ARHGAP24: variants seen among roughly 807,000 people sequenced by gnomAD.
ARHGAP24 encodes the protein Rho GTPase activating protein 24.
In ARHGAP24, 50 loss-of-function variants were observed where a neutral mutation model predicts 76.4. The ratio of observed to expected loss-of-function variants is 0.65; its 90% CI spans 0.52 to 0.83. The LOEUF is 0.83. Ranked by LOEUF, ARHGAP24 falls within the 40% of genes least tolerant of loss-of-function variation. The probability of loss-of-function intolerance (pLI) is 0.00; values close to 1 mark genes in which losing one functional copy is unlikely to be tolerated. For synonymous variants in ARHGAP24, 345 were observed against 323.3 expected, an observed-to-expected ratio of 1.07 and a Z score of -0.72; for missense variants, 930 against 914.2, an observed-to-expected ratio of 1.02 and a Z score of -0.22.
At chr4:85,718,845 T>A (rs1724827466) in intron 2 of ARHGAP24, among the ~76,000 whole-genome samples, 1 of 152,190 alleles carries the variant, frequency 6.6e-6, no homozygotes, top group Non-Finnish European at 1.5e-5. Flanking sequence ...CAACAAAGGA[T>A]AGCATTACTT....
At chr4:85,616,150 G>A (rs887141185) in intron 2 of ARHGAP24, among the ~76,000 whole-genome samples, 52 of 152,204 alleles carry the variant, frequency 3.4e-4, no homozygotes, top group African/African-American at 1.1e-3. Flanking sequence ...TGGTTTCTTC[G>A]TTTCATTTTC....
intron 3 of ARHGAP24, among the ~76,000 whole-genome samples, chr4:85,920,112 G>T (rs1287432234): frequency 2.0e-5 from 3 of 152,094 alleles, no homozygotes; most frequent in Admixed American, 6.6e-5. Flanking sequence ...TTGACTAATT[G>T]TTCTCAAACA....
chr4:85,634,910 A>G (rs1331570765), intron 2 of ARHGAP24, among the ~76,000 whole-genome samples: 1 of 151,738 alleles, frequency 6.6e-6, no homozygotes, highest in Non-Finnish European at 1.5e-5. Flanking sequence ...TCAAGTAAAC[A>G]TACCCACACC....
intron 3 of ARHGAP24, among the ~76,000 whole-genome samples, chr4:85,750,485 CTTTTTTTTTT>C (rs60635375): frequency 3.4e-4 from 21 of 61,618 alleles, no homozygotes; most frequent in African/African-American, 1.3e-3. Flanking sequence ...CTTTTCATTC[CTTTTTTTTTT>C]TTTTTTTTTT....
At chr4:85,878,815 C>G (rs895646749) in intron 3 of ARHGAP24, among the ~76,000 whole-genome samples, 14 of 152,152 alleles carry the variant, frequency 9.2e-5, no homozygotes, top group African/African-American at 3.4e-4. Context: ...TGTCTTCTCC[C>G]TGCAATATAA....
intron 3 of ARHGAP24, among the ~76,000 whole-genome samples, chr4:85,808,804 A>C (rs1728895814): frequency 6.6e-6 from 1 of 152,100 alleles, no homozygotes; most frequent in African/African-American, 2.4e-5. Flanking sequence ...TAATTATAAA[A>C]GAAAATAACC....
At chr4:85,534,652 G>C (rs993191684) in intron 1 of ARHGAP24, among the ~76,000 whole-genome samples, 2 of 152,140 alleles carry the variant, frequency 1.3e-5, no homozygotes, top group Non-Finnish European at 2.9e-5. Context: ...ATGAAATAGA[G>C]GGTAGCAAGC....
intron 3 of ARHGAP24, among the ~76,000 whole-genome samples, chr4:85,857,096 G>T (rs1731622856): frequency 6.6e-6 from 1 of 152,084 alleles, no homozygotes; most frequent in African/African-American, 2.4e-5. Flanking sequence ...ACTCCTTCAA[G>T]AAATCAATAT....
chr4:85,722,681 A>C (rs373774454), intron 3 of ARHGAP24: 2 of 153,972 alleles, frequency 1.3e-5, no homozygotes, highest in East Asian at 3.9e-4. Context: ...CATGTTGTCT[A>C]CCTCTTTGAT....
Position 85,972,083 on chromosome 4 carries a change from G to A in ARHGAP24, c.647G>A (p.Arg216Gln), listed in dbSNP as rs368380461. ...TVASLLKLYL[R>Q]ELPEPVIPYA... ...GCATCACTTCTTAAGCTGTACCTCC[G>A]AGAACTTCCAGAACCAGTTATTCCT... The change falls in exon 6 of 10, where the codon CGA (arginine) becomes CAA (glutamine). Residue 216 changes from arginine to glutamine, a missense_variant. Physicochemically the swap from Arg to Gln is conservative, Grantham distance 43. Coordinates refer to ENST00000395184, the MANE Select transcript of ARHGAP24 (RefSeq NM_001025616.3). 18 of 1,613,734 alleles carry A rather than the reference G, an allele frequency of 1.1e-5. No homozygotes were observed. The highest frequency in any genetic ancestry group is 1.6e-4 in the Middle Eastern group (1 of 6,084).
intron 5 of ARHGAP24, among the ~76,000 whole-genome samples, chr4:85,946,601 G>A (rs568263602): frequency 6.1e-4 from 93 of 152,088 alleles, no homozygotes; most frequent in Non-Finnish European, 1.1e-3. Context: ...CTGTTTCTTC[G>A]TTAGTTCACT....
chr4:85,670,891 A>G (rs1398994878), intron 2 of ARHGAP24, among the ~76,000 whole-genome samples: 1 of 152,166 alleles, frequency 6.6e-6, no homozygotes, highest in Non-Finnish European at 1.5e-5. Context: ...ATGGGCCATG[A>G]ATGTTTAAGA....
chr4:85,827,271 C>G (rs932771827), intron 3 of ARHGAP24, among the ~76,000 whole-genome samples: 1 of 151,996 alleles, frequency 6.6e-6, no homozygotes, highest in Non-Finnish European at 1.5e-5. Flanking sequence ...ATGCAAAATG[C>G]AAGACTTTAT....
At chr4:85,524,072 A>G (rs541055442) in intron 1 of ARHGAP24, among the ~76,000 whole-genome samples, 87 of 152,214 alleles carry the variant, frequency 5.7e-4, no homozygotes, top group African/African-American at 2.0e-3. Context: ...TGGGAGACTG[A>G]ATAATTTTTC....
intron 3 of ARHGAP24, among the ~76,000 whole-genome samples, chr4:85,832,079 A>G (rs1165566338): frequency 2.0e-5 from 3 of 152,188 alleles, no homozygotes; most frequent in South Asian, 2.1e-4. Flanking sequence ...GGCAGGCCAC[A>G]TGCAGGGGCC....
chr4:85,855,952 T>C (rs1288698554), intron 3 of ARHGAP24, among the ~76,000 whole-genome samples: 1 of 152,130 alleles, frequency 6.6e-6, no homozygotes, highest in African/African-American at 2.4e-5. Context: ...ATTTGAACTA[T>C]TATGGCTAAA....
At chr4:85,910,401 C>T (rs1303107641) in intron 3 of ARHGAP24, among the ~76,000 whole-genome samples, 1 of 152,178 alleles carries the variant, frequency 6.6e-6, no homozygotes, top group Non-Finnish European at 1.5e-5. Context: ...CGACCAAGAA[C>T]TCAGACAAGT....
intron 2 of ARHGAP24, among the ~76,000 whole-genome samples, chr4:85,712,107 G>A (rs13146939): frequency 0.64 from 97,756 of 151,998 alleles, 33,845 homozygotes; most frequent in Non-Finnish European, 0.79. Context: ...TCTTTTCCTA[G>A]TTGAGAAATA....
At chr4:85,560,201 C>G (rs1337057877) in intron 1 of ARHGAP24, among the ~76,000 whole-genome samples, 2 of 151,738 alleles carry the variant, frequency 1.3e-5, no homozygotes, top group Admixed American at 6.6e-5. Context: ...TTTATTTGTC[C>G]TTCAGATATC....
Sources: allele counts gnomAD v4.1 joint callset (sites outside exome capture counted in the v4.1 genomes callset), GRCh38; gene constraint gnomAD v4.1.1; transcripts MANE v1.5; gene names NCBI Gene and HGNC (gene_info 2026-07-23, HGNC 2026-07-21).